BPIFB2: variants seen among roughly 807,000 people sequenced by gnomAD.
BPIFB2 encodes BPI fold-containing family B member 2.
Under a neutral mutation model 50.1 loss-of-function variants are expected in BPIFB2, and 39 were observed. The observed-to-expected ratio is 0.78, with a 90% CI of 0.60 to 1.02. The LOEUF is 1.02. Among genes scored for constraint, BPIFB2 ranks in the 50% least tolerant of loss-of-function variants. BPIFB2 has a pLI of 0.00. For missense variants in BPIFB2, 574 were observed against 585.8 expected (o/e 0.98, Z 0.21); for synonymous variants, 280 against 256.3 (o/e 1.09, Z -0.88).
rs887419506 is a variant in BPIFB2 at position 33,018,126 on chromosome 20, C to T, written c.578-133C>T. On this transcript the variant is annotated intron_variant, in intron 7 of 15. Coordinates refer to ENST00000170150, the MANE Select transcript of BPIFB2 (RefSeq NM_025227.3). ...TTTGCTTATTCAGAGGCTTGCTCTG[C>T]CTCTTTTGTTTCGTGGCCTGGCTCT... The T allele has an allele frequency of 6.0e-6, 4 of 670,166 alleles. No homozygotes were observed. The African/African-American group carries it at 7.3e-5, about 12-fold the overall frequency. The allele number at this position is 670,166 out of a possible 1,614,324, so 41.5% of individuals were successfully genotyped here.
Position 33,021,286 on chromosome 20 carries a change from T to C in BPIFB2, c.1200T>C (p.Asp400=), listed in dbSNP as rs376475711. 1.2e-6 allele frequency: 2 copies of C among 1,614,012 alleles called. No individual in the cohort carries two copies. Among genetic ancestry groups the C allele is most frequent in the South Asian group, 1.1e-5 (1 of 91,022 alleles). The change falls in exon 14 of 16, where the codon GAT becomes GAC. Residue 400 remains aspartate, a synonymous_variant. Coordinates refer to ENST00000170150, the MANE Select transcript of BPIFB2 (RefSeq NM_025227.3). ...CCCTGGCTCCGTGGCCACAGACAGA[T>C]CAGGTGCGCACACTGATGGGCACCG... The part of the protein sequence containing the change: ...ASSNVGFIDT[D]QVRTLMGTVF...
chr20:33,023,501 C>A lies in BPIFB2; in HGVS notation c.*118C>A. Reference sequence around the variant, plus strand: ...ACTTAGTCATCACCAACAAGCTGGACTGCTTAGCTGGGCTGTTTTATCTTC... The same window carrying A: ...ACTTAGTCATCACCAACAAGCTGGAATGCTTAGCTGGGCTGTTTTATCTTC... On this transcript the variant is annotated 3_prime_UTR_variant, in exon 16 of 16. Coordinates refer to ENST00000170150, the MANE Select transcript of BPIFB2 (RefSeq NM_025227.3). 3 of 1,230,462 alleles carry A rather than the reference C, an allele frequency of 2.4e-6. No individual in the cohort carries two copies. The highest frequency in any genetic ancestry group is 3.5e-6 in the Non-Finnish European group (3 of 850,118). The allele number at this position is 1,230,462 out of a possible 1,614,324, so 76.2% of individuals were successfully genotyped here.
At position 33,014,162 on chromosome 20, in the gene BPIFB2, A is replaced by G. The variant is rs1447211717; in HGVS notation, c.455+206A>G. Among the ~76,000 whole-genome samples the G allele has an allele frequency of 3.9e-5, 6 of 152,220 alleles. No homozygotes were observed. In the East Asian group the frequency reaches 1.2e-3, roughly 29 times the overall value. On this transcript the variant is annotated intron_variant, in intron 5 of 15. Transcript: ENST00000170150. ...GGTCACACAGCAAGTGAGCGGCCAG[A>G]GCCTGGGACCTTTCCATCCCCTGCA...
At chr20:33,013,206 G>A (rs1376037424) in intron 4 of BPIFB2, among the ~76,000 whole-genome samples, 2 of 152,144 alleles carry the variant, frequency 1.3e-5, no homozygotes, top group East Asian at 3.8e-4. Flanking sequence ...TTGGTGAATG[G>A]GTTCATTGCT....
At chr20:33,011,680 A>G (rs1166427804) in intron 3 of BPIFB2, among the ~76,000 whole-genome samples, 1 of 152,152 alleles carries the variant, frequency 6.6e-6, no homozygotes, top group Non-Finnish European at 1.5e-5. Flanking sequence ...ATAGCAACTA[A>G]TGAAAAAACA....
chr20:33,017,284 T>A lies in BPIFB2; in HGVS notation c.577+182T>A, dbSNP rs912662351. ...ATGAAATCTGGGAATCTCCAAATTCTAGAACCAAAACCAAGTCTTTGATTC... is the reference window on the plus strand; with the variant it reads ...ATGAAATCTGGGAATCTCCAAATTCAAGAACCAAAACCAAGTCTTTGATTC... On this transcript the variant is annotated intron_variant, in intron 7 of 15. Coordinates refer to ENST00000170150, the MANE Select transcript of BPIFB2 (RefSeq NM_025227.3). 2.0e-5 allele frequency among the ~76,000 whole-genome samples: 3 copies of A among 152,258 alleles called. No individual in the cohort carries two copies. The East Asian group carries it at 5.8e-4, about 29-fold the overall frequency.
chr20:33,008,528 A>G lies in BPIFB2; in HGVS notation c.-34-13A>G. On this transcript the variant is annotated splice_polypyrimidine_tract_variant and intron_variant, in intron 1 of 15. Transcript: ENST00000170150. ...GTTTTGGCTGAGCTCCCTGATGCTC[A>G]TTTCTACCCCAGCCCACAGATCCTG... The G allele has an allele frequency of 2.0e-6, 3 of 1,498,406 alleles. No homozygotes were observed. The highest frequency in any genetic ancestry group is 2.7e-6 in the Non-Finnish European group (3 of 1,111,146). The allele number at this position is 1,498,406 out of a possible 1,614,324, so 92.8% of individuals were successfully genotyped here. A position where few individuals can be genotyped will look rare whatever the true frequency, so the allele number is the denominator to read the frequency against.
rs373815604 is a variant in BPIFB2, at chr20:33,018,735, C to T, written c.768C>T (p.Thr256=). The part of the protein sequence containing the change: ...RHVGTEGSMA[T]VGLSQQLFDS... ...TGGGTACCGAGGGCTCCATGGCCACCGTGGGCCTCTCCCAGCAGCTGTTTG... is the reference window on the plus strand; with the variant it reads ...TGGGTACCGAGGGCTCCATGGCCACTGTGGGCCTCTCCCAGCAGCTGTTTG... The change falls in exon 9 of 16, where the codon ACC becomes ACT. Residue 256 remains threonine (T), a synonymous_variant. Transcript: ENST00000170150. 1.7e-5 allele frequency: 28 copies of T among 1,614,240 alleles called. No individual in the cohort carries two copies. Among genetic ancestry groups the T allele is most frequent in the South Asian group, 3.3e-5 (3 of 91,084 alleles).
rs1054709374 is a variant in BPIFB2, at chr20:33,013,822, C to T, written c.321C>T (p.Pro107=). The T allele has an allele frequency of 1.9e-6, 3 of 1,613,508 alleles. No individual in the cohort carries two copies. The South Asian group carries it at 3.3e-5, about 18-fold the overall frequency. Residue 107 remains proline, a synonymous_variant, in exon 5 of 16, where the codon CCC becomes CCT. Coordinates refer to ENST00000170150, the MANE Select transcript of BPIFB2 (RefSeq NM_025227.3). ...GGCATCCCTACAGCGCCCCAGAGCC[C>T]CTGGAGCTGACGCTGCCTGTGGAAC... ...FTFKVFRAPE[P]LELTLPVELL...
chr20:33,013,904 T>G lies in BPIFB2; in HGVS notation c.403T>G (p.Ser135Ala), dbSNP rs758796474. Reference protein sequence around the residue: ...SSIRTPVVSISACSLFSGHAN... With the variant: ...SSIRTPVVSIAACSLFSGHAN... ...CATCAGGACCCCTGTGGTCAGCATC[T>G]CTGCCTGCTCTTTATTCTCGGGCCA... The change falls in exon 5 of 16, where the codon TCT becomes GCT. Residue 135 changes from serine (S) to alanine (A), a missense_variant. Transcript: ENST00000170150. 1.2e-6 allele frequency: 2 copies of G among 1,614,082 alleles called. No homozygotes were observed. Among genetic ancestry groups the G allele is most frequent in the South Asian group, 1.1e-5 (1 of 91,074 alleles).
rs112294188 is a variant in BPIFB2, at chr20:33,018,812, C to T, written c.845C>T (p.Thr282Ile). The T allele has an allele frequency of 3.7e-6, 6 of 1,611,778 alleles. No homozygotes were observed. In the African/African-American group the frequency reaches 6.7e-5, roughly 18 times the overall value. ...GCCGGTGCCCTCAACCTGGACATCA[C>T]AGGGCAGCTGGTGAGGGCCCGACCT... ...QKAGALNLDI[T>I]GQLRSDDNLL... Residue 282 changes from threonine to isoleucine, a missense_variant, in exon 9 of 16, where the codon ACA becomes ATA. Coordinates refer to ENST00000170150, the MANE Select transcript of BPIFB2 (RefSeq NM_025227.3).
intron 14 of BPIFB2, 95 bp from the exon 15 acceptor site, chr20:33,021,628 C>T: frequency 3.1e-6 from 4 of 1,283,218 alleles, no homozygotes; most frequent in Non-Finnish European, 4.5e-6. Context: ...CATCCATCTT[C>T]CAGATGCCTG....
In BPIFB2 at chr20:33,021,793, C is replaced by A. The variant is rs147723300; in HGVS notation, c.1329C>A (p.Val443=). 2 of 1,613,624 alleles carry A rather than the reference C, an allele frequency of 1.2e-6. No homozygotes were observed. The highest frequency in any genetic ancestry group is 2.7e-5 in the African/African-American group (2 of 74,908). Residue 443 remains valine (V), a synonymous_variant, in exon 15 of 16, where the codon GTC becomes GTA. Transcript: ENST00000170150. ...NLHYVAPEIF[V]YEGYVVISSG... Reference sequence around the variant, plus strand: ...ACTATGTCGCCCCTGAGATCTTTGTCTATGAGGTGAGAGCCTTTGGGTGTG... The same window carrying A: ...ACTATGTCGCCCCTGAGATCTTTGTATATGAGGTGAGAGCCTTTGGGTGTG...
chr20:33,012,940 G>C (rs751145068), intron 4 of BPIFB2, 33 bp downstream of exon 4: 3 of 1,563,066 alleles, frequency 1.9e-6, no homozygotes, highest in Non-Finnish European at 1.8e-6. Flanking sequence ...GGGTGAGAAG[G>C]GTTTTGGGGA....
In BPIFB2 at chr20:33,008,682, C is replaced by A; in HGVS notation, c.108C>A (p.Tyr36Ter). Residue 36 changes from tyrosine to a stop codon, truncating the protein, a stop_gained and splice_region_variant, in exon 2 of 16, where the codon TAC becomes TAA. Transcript: ENST00000170150. LOFTEE classifies it high-confidence loss of function. The part of the protein sequence containing the change: ...VVRLNKAALS[Y>*]VSEIGKAPLQ... ...GACTCAACAAGGCAGCATTGAGCTACGGTAAGCGGTGTGTTACCCAGTGAG... is the reference window on the plus strand; with the variant it reads ...GACTCAACAAGGCAGCATTGAGCTAAGGTAAGCGGTGTGTTACCCAGTGAG... 6.3e-7 allele frequency: 1 copy of A among 1,597,684 alleles called. No homozygotes were observed. The highest frequency in any genetic ancestry group is 8.5e-7 in the Non-Finnish European group (1 of 1,171,606).
At chr20:33,017,439 A>G (rs1381414861) in intron 7 of BPIFB2, among the ~76,000 whole-genome samples, 2 of 152,240 alleles carry the variant, frequency 1.3e-5, no homozygotes, top group African/African-American at 4.8e-5. Context: ...ATCTAGACTC[A>G]TCATTCCAAA....
chr20:33,023,174 C>G (rs1056230174), intron 15 of BPIFB2, among the ~76,000 whole-genome samples, 168 bp from the exon 16 acceptor site: 1 of 152,190 alleles, frequency 6.6e-6, no homozygotes, highest in Non-Finnish European at 1.5e-5. Context: ...GAGGCTGTTA[C>G]TACCCCCAAA....
chr20:33,023,128 G>T (rs1365286706), intron 15 of BPIFB2, among the ~76,000 whole-genome samples: 1 of 152,130 alleles, frequency 6.6e-6, no homozygotes, highest in Non-Finnish European at 1.5e-5. Flanking sequence ...CTTCCATGGG[G>T]GTCTCACTGC....
chr20:33,014,059 G>C, intron 5 of BPIFB2, 103 bp downstream of exon 5: 2 of 1,416,828 alleles, frequency 1.4e-6, no homozygotes, highest in South Asian at 2.9e-5. Flanking sequence ...GGCCACAAGG[G>C]CCTCAGGGGC....
Sources: allele counts gnomAD v4.1 joint callset (sites outside exome capture counted in the v4.1 genomes callset), GRCh38; gene constraint gnomAD v4.1.1; transcripts MANE v1.5; gene names NCBI Gene and HGNC (gene_info 2026-07-23, HGNC 2026-07-21).